LRRC56: variants seen among roughly 807,000 people sequenced by gnomAD.
LRRC56 encodes the protein leucine-rich repeat-containing protein 56.
In LRRC56, 41 loss-of-function variants were observed where a neutral mutation model predicts 47.8. The observed-to-expected ratio is 0.86, with a 90% CI of 0.67 to 1.11. LRRC56 has a LOEUF of 1.11. LRRC56 is among the 50% of genes most tolerant of loss of function. The probability of loss-of-function intolerance (pLI) is 0.00; values close to 1 mark genes in which losing one functional copy is unlikely to be tolerated. For synonymous variants in LRRC56, 387 were observed against 311.2 expected (o/e 1.24, Z -2.56); for missense variants, 759 against 704.2 (o/e 1.08, Z -0.88).
At chr11:517,343 C>T in the LRRC56 span, among the ~76,000 whole-genome samples, 15 of 151,572 alleles carry the variant, frequency 9.9e-5, no homozygotes, top group East Asian at 7.8e-4. Context: ...TCTGCCCGGC[C>T]GCCCGGTCTG....
chr11:509,870 C>T, the LRRC56 span, among the ~76,000 whole-genome samples: 1 of 151,928 alleles, frequency 6.6e-6, no homozygotes, highest in African/African-American at 2.4e-5. Context: ...TGCCTCACCT[C>T]GTTATGTCTT....
chr11:546,989 G>A (rs1401442604), intron 6 of LRRC56, among the ~76,000 whole-genome samples: 5 of 152,182 alleles, frequency 3.3e-5, no homozygotes, highest in Admixed American at 1.3e-4. Context: ...CCCAGGAGGC[G>A]GAGGTTGCAG....
At chr11:521,678 A>G in the LRRC56 span, among the ~76,000 whole-genome samples, 3 of 152,094 alleles carry the variant, frequency 2.0e-5, no homozygotes, top group African/African-American at 2.4e-5. Flanking sequence ...ACTTTGGGAG[A>G]CCGAGGCGGG....
chr11:540,605 G>C lies in LRRC56; in HGVS notation c.-11-69G>C, dbSNP rs1362010195. ...GGGCGGGGGGTTGAGGGCTGGGCCA[G>C]GGTCTCAGCCGGGCTGCAGAGGAGG... is the stretch of plus-strand genomic sequence containing the variant. On this transcript the variant is annotated intron_variant, in intron 3 of 13. Coordinates refer to ENST00000270115, the MANE Select transcript of LRRC56 (RefSeq NM_198075.4). 3 of 1,389,684 alleles carry C rather than the reference G, an allele frequency of 2.2e-6. No homozygotes were observed. In the Admixed American group the frequency reaches 6.1e-5, roughly 28 times the overall value. The allele number at this position is 1,389,684 out of a possible 1,614,324, so 86.1% of individuals were successfully genotyped here. A position where few individuals can be genotyped will look rare whatever the true frequency, so the allele number is the denominator to read the frequency against.
chr11:543,788 A>G (rs903008378), intron 5 of LRRC56, among the ~76,000 whole-genome samples: 8 of 150,802 alleles, frequency 5.3e-5, no homozygotes, highest in East Asian at 2.0e-4. Context: ...TCGCTCTGTC[A>G]CCCAGGCTGG....
upstream of LRRC56, chr11:532,609 C>G (rs367794685): frequency 6.2e-7 from 1 of 1,602,006 alleles, no homozygotes. Flanking sequence ...GGCGTGGCGG[C>G]CGCCCTGGGA....
chr11:532,453 G>A, the LRRC56 span: 21 of 843,924 alleles, frequency 2.5e-5, no homozygotes, highest in Admixed American at 7.2e-5. Flanking sequence ...CCTTGCTTCC[G>A]TCCTTCCTTC....
the LRRC56 span, among the ~76,000 whole-genome samples, chr11:525,656 G>C: frequency 6.6e-6 from 1 of 152,128 alleles, no homozygotes; most frequent in Non-Finnish European, 1.5e-5. Context: ...AATACTTAGA[G>C]AGGCTGAGGC....
At chr11:530,227 C>G in the LRRC56 span, among the ~76,000 whole-genome samples, 1 of 152,208 alleles carries the variant, frequency 6.6e-6, no homozygotes, top group African/African-American at 2.4e-5. Context: ...CTGCCCAGCC[C>G]CGTAATGACC....
Position 551,228 on chromosome 11 carries a change from C to A in LRRC56, c.722C>A (p.Ala241Asp), listed in dbSNP as rs915526911. 32 of 1,544,368 alleles carry A rather than the reference C, an allele frequency of 2.1e-5. No homozygotes were observed. Among genetic ancestry groups the A allele is most frequent in the Admixed American group, 1.6e-4 (8 of 50,704 alleles). The change falls in exon 9 of 14, where the codon GCC becomes GAC. Residue 241 changes from alanine to aspartate, a missense_variant. Physicochemically the swap from Ala to Asp is moderately radical, Grantham distance 126. Coordinates refer to ENST00000270115, the MANE Select transcript of LRRC56 (RefSeq NM_198075.4). ...CCGGCCGCACACACAGGCCCACCGG[C>A]CCCCCCGCGGCTGAGCCAGGACTGG... ...EVPAAHTGPP[A>D]PPRLSQDWLA...
chr11:517,142 A>G, the LRRC56 span, among the ~76,000 whole-genome samples: 2 of 152,134 alleles, frequency 1.3e-5, no homozygotes, highest in Non-Finnish European at 2.9e-5. Context: ...AGTCTTGCTC[A>G]CTCAATGCTC....
intron 8 of LRRC56, among the ~76,000 whole-genome samples, chr11:550,553 CAAAG>C (rs750144666): frequency 1.2e-4 from 18 of 152,188 alleles, no homozygotes; most frequent in South Asian, 2.1e-4. Context: ...CGTGGAAACA[CAAAG>C]AACCACGTGT....
At chr11:517,577 G>A in the LRRC56 span, among the ~76,000 whole-genome samples, 2 of 151,324 alleles carry the variant, frequency 1.3e-5, no homozygotes, top group East Asian at 2.0e-4. Context: ...CATCTGGGGG[G>A]TGAGGAGCAC....
the LRRC56 span, among the ~76,000 whole-genome samples, chr11:510,575 T>C: frequency 6.6e-6 from 1 of 152,116 alleles, no homozygotes; most frequent in Non-Finnish European, 1.5e-5. Context: ...CCGTCTCTAC[T>C]AATAATACAA....
At chr11:519,216 T>C in the LRRC56 span, among the ~76,000 whole-genome samples, 1 of 152,224 alleles carries the variant, frequency 6.6e-6, no homozygotes, top group African/African-American at 2.4e-5. Context: ...TCCTTAGATC[T>C]CCGTGTTTCT....
Position 552,087 on chromosome 11 carries a change from C to G in LRRC56, c.1039-3C>G. On this transcript the variant is annotated splice_polypyrimidine_tract_variant and splice_region_variant and intron_variant, in intron 11 of 13. Transcript: ENST00000270115. ...CCCTAAAGCAGTCCCTTTTCCTCCC[C>G]AGGCCAGGGAGCCCCCCGAGCAGCT... The G allele has an allele frequency of 6.2e-7, 1 of 1,609,860 alleles. No homozygotes were observed. Among genetic ancestry groups the G allele is most frequent in the South Asian group, 1.1e-5 (1 of 90,926 alleles).
upstream of LRRC56, chr11:534,064 G>A: frequency 1.6e-6 from 2 of 1,240,890 alleles, no homozygotes; most frequent in South Asian, 2.4e-5. Flanking sequence ...GGGGTGCTGA[G>A]ACGAGGGACT....
At chr11:533,757 G>A (rs747854581), upstream of LRRC56, 10 of 1,613,042 alleles carry the variant, frequency 6.2e-6, no homozygotes, top group East Asian at 1.6e-4. Flanking sequence ...CCAGCCTCAC[G>A]GGGTTCACCT....
At chr11:528,781 T>C in the LRRC56 span, 2 of 153,460 alleles carry the variant, frequency 1.3e-5, no homozygotes, top group Non-Finnish European at 2.9e-5. Context: ...ACACACATGC[T>C]GCCAGTTCAG....
Sources: allele counts gnomAD v4.1 joint callset (sites outside exome capture counted in the v4.1 genomes callset), GRCh38; gene constraint gnomAD v4.1.1; transcripts MANE v1.5; gene names NCBI Gene and HGNC (gene_info 2026-07-23, HGNC 2026-07-21).